The following CAMK4 variants were observed in gnomAD, a reference collection of about 807,000 sequenced individuals.
CAMK4 encodes the protein calcium/calmodulin dependent protein kinase IV.
CAMK4 carries 22 observed loss-of-function variants against 44.9 expected under a neutral mutation model. The ratio of observed to expected loss-of-function variants is 0.49; its 90% CI spans 0.35 to 0.70. CAMK4 has a LOEUF of 0.70. Ranked by LOEUF, CAMK4 falls within the 30% of genes least tolerant of loss-of-function variation. CAMK4 has a pLI of 0.01. For synonymous variants in CAMK4, 218 were observed against 215.4 expected (o/e 1.01, Z -0.11); for missense variants, 498 against 586.8 (o/e 0.85, Z 1.56).
rs1753014321 is a variant in CAMK4, at chr5:111,421,081, C to A, written c.460-25605C>A. Reference sequence around the variant, plus strand: ...TTTTAGAGATTGCAGTAAAGACAGCCATAAGAAATTATAAAAGTATTAATT... The same window carrying A: ...TTTTAGAGATTGCAGTAAAGACAGCAATAAGAAATTATAAAAGTATTAATT... On this transcript the variant is annotated intron_variant, in intron 5 of 10. Coordinates refer to ENST00000282356, the MANE Select transcript of CAMK4 (RefSeq NM_001744.6). 2.0e-5 allele frequency among the ~76,000 whole-genome samples: 3 copies of A among 152,160 alleles called. No homozygotes were observed. In the South Asian group the frequency reaches 6.2e-4, roughly 32 times the overall value.
intron 5 of CAMK4, among the ~76,000 whole-genome samples, chr5:111,431,493 A>C (rs1341491531): frequency 1.3e-5 from 2 of 152,166 alleles, no homozygotes; most frequent in African/African-American, 4.8e-5. Flanking sequence ...AGGTAACCAA[A>C]GCAAACATGG....
intron 1 of CAMK4, among the ~76,000 whole-genome samples, chr5:111,271,590 G>A (rs1750521371): frequency 6.6e-6 from 1 of 152,184 alleles, no homozygotes; most frequent in Non-Finnish European, 1.5e-5. Context: ...AGATGGATGT[G>A]AGACTGCAAC....
At chr5:111,353,221 A>T (rs1750187925) in intron 2 of CAMK4, among the ~76,000 whole-genome samples, 1 of 152,100 alleles carries the variant, frequency 6.6e-6, no homozygotes, top group Admixed American at 6.6e-5. Context: ...GCATGCAAAA[A>T]TAAATAATCT....
At chr5:111,407,150 G>A (rs1369990730) in intron 5 of CAMK4, among the ~76,000 whole-genome samples, 1 of 151,962 alleles carries the variant, frequency 6.6e-6, no homozygotes, top group African/African-American at 2.4e-5. Context: ...TCAGGAGTTC[G>A]AAACCAGCCT....
intron 1 of CAMK4, among the ~76,000 whole-genome samples, chr5:111,245,338 G>T (rs1442385498): frequency 1.3e-5 from 2 of 152,088 alleles, no homozygotes; most frequent in Admixed American, 1.3e-4. Context: ...TTCTTTAACT[G>T]ATAAGAAAAA....
intron 7 of CAMK4, chr5:111,450,017 G>T (rs899265000): frequency 6.6e-6 from 1 of 152,116 alleles, no homozygotes; most frequent in African/African-American, 2.4e-5. Context: ...TTTTCTCTTA[G>T]ATCAGAATAT....
intron 4 of CAMK4, among the ~76,000 whole-genome samples, chr5:111,388,147 G>A (rs1177426024): frequency 6.6e-6 from 1 of 152,226 alleles, no homozygotes; most frequent in Admixed American, 6.5e-5. Flanking sequence ...GTCGAAGGGT[G>A]ATGGTTGGCC....
At chr5:111,420,464 T>A (rs990140119) in intron 5 of CAMK4, among the ~76,000 whole-genome samples, 3 of 152,150 alleles carry the variant, frequency 2.0e-5, no homozygotes, top group African/African-American at 7.2e-5. Flanking sequence ...TGGTCAGAAC[T>A]TCCAACACTA....
At chr5:111,418,992 G>T (rs2112912265) in intron 5 of CAMK4, among the ~76,000 whole-genome samples, 1 of 152,164 alleles carries the variant, frequency 6.6e-6, no homozygotes, top group African/African-American at 2.4e-5. Flanking sequence ...GGTATTTCTA[G>T]TTCTAGATCC....
intron 5 of CAMK4, among the ~76,000 whole-genome samples, chr5:111,414,905 T>TA (rs1288855054): frequency 6.6e-6 from 1 of 152,184 alleles, no homozygotes; most frequent in Non-Finnish European, 1.5e-5. Flanking sequence ...TCAAATATTT[T>TA]AGAGATATTA....
At chr5:111,445,357 A>C (rs189114722) in intron 5 of CAMK4, among the ~76,000 whole-genome samples, 4 of 152,276 alleles carry the variant, frequency 2.6e-5, no homozygotes, top group Admixed American at 2.6e-4. Context: ...AAGTAGGAAA[A>C]TGGAGGAAAC....
chr5:111,380,436 A>T (rs557163719), intron 4 of CAMK4, among the ~76,000 whole-genome samples: 23 of 152,174 alleles, frequency 1.5e-4, no homozygotes, highest in African/African-American at 5.3e-4. Context: ...TTTGTTGTAC[A>T]GATTGTTTCA....
At chr5:111,396,229 C>T (rs951389181) in intron 5 of CAMK4, among the ~76,000 whole-genome samples, 2 of 152,166 alleles carry the variant, frequency 1.3e-5, no homozygotes, top group African/African-American at 4.8e-5. Flanking sequence ...CCAGTCCTTC[C>T]AAATTATTTA....
chr5:111,315,587 T>C (rs1253967593), intron 1 of CAMK4, among the ~76,000 whole-genome samples: 5 of 152,160 alleles, frequency 3.3e-5, no homozygotes, highest in African/African-American at 9.7e-5. Flanking sequence ...TGTGGAAGAT[T>C]ATGATCTTCA....
chr5:111,324,035 T>C (rs1453108062), intron 1 of CAMK4, among the ~76,000 whole-genome samples: 2 of 151,924 alleles, frequency 1.3e-5, no homozygotes, highest in Non-Finnish European at 2.9e-5. Flanking sequence ...CTGAGAAAAA[T>C]AAGATATATA....
intron 1 of CAMK4, among the ~76,000 whole-genome samples, chr5:111,313,737 A>G (rs1206003722): frequency 6.6e-6 from 1 of 152,106 alleles, no homozygotes; most frequent in Non-Finnish European, 1.5e-5. Context: ...TTAATTGTCA[A>G]AGAAAAACCC....
At chr5:111,328,977 C>A (rs1029159161) in intron 1 of CAMK4, among the ~76,000 whole-genome samples, 1 of 151,860 alleles carries the variant, frequency 6.6e-6, no homozygotes, top group Non-Finnish European at 1.5e-5. Context: ...CAAAATTCCT[C>A]AATAAAATAC....
intron 5 of CAMK4, among the ~76,000 whole-genome samples, chr5:111,399,647 C>T (rs1410666601): frequency 7.9e-5 from 12 of 152,056 alleles, no homozygotes; most frequent in East Asian, 1.9e-4. Context: ...TTCTGGATAA[C>T]GAGCCATGTA....
chr5:111,476,253 GTGTGTGTGTGTGTGTGTT>G (rs1413216706), intron 8 of CAMK4, among the ~76,000 whole-genome samples: 2 of 145,068 alleles, frequency 1.4e-5, no homozygotes, highest in Non-Finnish European at 3.0e-5. Context: ...GTGTGTGTGT[GTGTGTGTGTGTGTGTGTT>G]TGTGTGTGTG....
Sources: allele counts gnomAD v4.1 joint callset (sites outside exome capture counted in the v4.1 genomes callset), GRCh38; gene constraint gnomAD v4.1.1; transcripts MANE v1.5; gene names NCBI Gene and HGNC (gene_info 2026-07-23, HGNC 2026-07-21).